PRSS1: variants seen among roughly 807,000 people sequenced by gnomAD.
PRSS1 encodes TCR V beta 4.1.
PRSS1 carries 22 observed loss-of-function variants against 24.2 expected under a neutral mutation model. The ratio of observed to expected loss-of-function variants is 0.91; its 90% CI spans 0.65 to 1.30. The LOEUF (loss-of-function observed/expected upper bound fraction) is 1.30, where lower values mean the gene tolerates loss of function less well. PRSS1 is among the 50% of genes most tolerant of loss of function. The probability of loss-of-function intolerance (pLI) is 0.00; values close to 1 mark genes in which losing one functional copy is unlikely to be tolerated. For missense variants in PRSS1, 366 were observed against 304.2 expected (o/e 1.20, Z -1.51); for synonymous variants, 126 against 116.1 (o/e 1.08, Z -0.55).
At chr7:142,750,412 A>G (rs1798601048) in intron 1 of PRSS1, 143 bp from the exon 2 acceptor site, 1 of 876,584 alleles carries the variant, frequency 1.1e-6, no homozygotes, top group African/African-American at 2.9e-5. Flanking sequence ...AGTGATGATC[A>G]CCAGGGGTGG....
At chr7:142,750,407 T>G in intron 1 of PRSS1, 148 bp from the exon 2 acceptor site, 1 of 991,778 alleles carries the variant, frequency 1.0e-6, no homozygotes, top group East Asian at 2.5e-5. Context: ...CAGGCAGTGA[T>G]GATCACCAGG....
intron 4 of PRSS1, 144 bp from the exon 5 acceptor site, chr7:142,752,724 G>T: frequency 2.0e-6 from 3 of 1,501,316 alleles, no homozygotes; most frequent in Admixed American, 1.7e-5. Context: ...CATCTTGTCT[G>T]CTTAGGAAGA....
chr7:142,751,566 C>T (rs1386408815), intron 2 of PRSS1: 5 of 879,122 alleles, frequency 5.7e-6, no homozygotes, highest in African/African-American at 1.7e-5. Flanking sequence ...TTCCCCACCC[C>T]ACTACCACCA....
chr7:142,751,029 A>C (rs1563259726), intron 2 of PRSS1: 4 of 703,820 alleles, frequency 5.7e-6, no homozygotes, highest in African/African-American at 5.2e-5. Context: ...CCAACTAAGA[A>C]AGACTTTTTA....
intron 1 of PRSS1, among the ~76,000 whole-genome samples, chr7:142,750,334 G>A (rs1180068058): frequency 6.6e-6 from 1 of 152,172 alleles, no homozygotes; most frequent in Non-Finnish European, 1.5e-5. Context: ...GACCCCAGGA[G>A]AGCTCGGATC....
At chr7:142,752,297 T>A in intron 3 of PRSS1, 134 bp from the exon 4 acceptor site, 1 of 992,812 alleles carries the variant, frequency 1.0e-6, no homozygotes, top group Non-Finnish European at 1.5e-6. Flanking sequence ...AGCCAGAGTC[T>A]CTTGCCAGGA....
chr7:142,751,794 G>A lies in PRSS1; in HGVS notation c.221G>A (p.Gly74Glu), dbSNP rs1798757007. The change falls in exon 3 of 5, where the codon GGA (glycine) becomes GAA (glutamate). Residue 74 changes from glycine to glutamate, a missense_variant. By Grantham distance (98) the Gly-to-Glu change is moderately conservative. Coordinates refer to ENST00000311737, the MANE Select transcript of PRSS1 (RefSeq NM_002769.5). ...ATCAGCCGCATCCAGGTGAGACTGG[G>A]AGAGCACAACATCGAAGTCCTGGAG... The part of the protein sequence containing the change: ...CYKSRIQVRL[G>E]EHNIEVLEGN... The A allele has an allele frequency of 6.2e-7, 1 of 1,614,176 alleles. No individual in the cohort carries two copies. The highest frequency in any genetic ancestry group is 1.1e-5 in the South Asian group (1 of 91,082).
Position 142,750,705 on chromosome 7 carries a change from G to A in PRSS1, c.191G>A (p.Cys64Tyr). The part of the protein sequence containing the change: ...NEQWVVSAGH[C>Y]YKSRIQVRLG... ...CAGTGGGTGGTATCAGCAGGCCACT[G>A]CTACAAGTCGTAAGTGTGGGGCCCC... Residue 64 changes from cysteine to tyrosine, a missense_variant, in exon 2 of 5, where the codon TGC (cysteine) becomes TAC (tyrosine). By Grantham distance (194) the Cys-to-Tyr change is radical. Coordinates refer to ENST00000311737, the MANE Select transcript of PRSS1 (RefSeq NM_002769.5). 3 of 1,613,930 alleles carry A rather than the reference G, an allele frequency of 1.9e-6. No homozygotes were observed. Among genetic ancestry groups the A allele is most frequent in the Non-Finnish European group, 2.5e-6 (3 of 1,179,838 alleles).
chr7:142,750,194 C>A (rs1402680547), intron 1 of PRSS1, among the ~76,000 whole-genome samples: 1 of 152,014 alleles, frequency 6.6e-6, no homozygotes, highest in South Asian at 2.1e-4. Flanking sequence ...CAATCCAGGG[C>A]CCAAATAGCC....
chr7:142,752,897 T>C lies in PRSS1; in HGVS notation c.621T>C (p.Asn207=), dbSNP rs146995038. 3.5e-5 allele frequency: 56 copies of C among 1,614,174 alleles called. No homozygotes were observed. In the African/African-American group the frequency reaches 6.9e-4, roughly 20 times the overall value. The part of the protein sequence containing the change: ...QGDSGGPVVC[N]GQLQGVVSWG... ...ATTCTGGTGGCCCTGTGGTCTGCAA[T>C]GGACAGCTCCAAGGAGTTGTCTCCT... The change falls in exon 5 of 5, where the codon AAT becomes AAC. Residue 207 remains asparagine (N), a synonymous_variant. Coordinates refer to ENST00000311737, the MANE Select transcript of PRSS1 (RefSeq NM_002769.5).
At chr7:142,750,434 C>G (rs1798602999) in intron 1 of PRSS1, 121 bp from the exon 2 acceptor site, 1 of 1,469,576 alleles carries the variant, frequency 6.8e-7, no homozygotes, top group Admixed American at 1.7e-5. Flanking sequence ...AGAGCTCCCT[C>G]CCTTGCCTAG....
chr7:142,752,071 A>G, intron 3 of PRSS1, 44 bp downstream of exon 3: 1 of 1,613,358 alleles, frequency 6.2e-7, no homozygotes, highest in African/African-American at 1.3e-5. Flanking sequence ...CATCCTCACA[A>G]TTTCCAGAAC....
chr7:142,752,338 T>C lies in PRSS1; in HGVS notation c.455-93T>C, dbSNP rs569672741. ...GTTCTGGAGTCCTCTCCAGGGGCTGTGTTCCTCTTCAGTTTTCCATCCAAG... is the reference window on the plus strand; with the variant it reads ...GTTCTGGAGTCCTCTCCAGGGGCTGCGTTCCTCTTCAGTTTTCCATCCAAG... On this transcript the variant is annotated intron_variant, in intron 3 of 4. Coordinates refer to ENST00000311737, the MANE Select transcript of PRSS1 (RefSeq NM_002769.5). 8.3e-4 allele frequency: 1,261 copies of C among 1,528,102 alleles called. 4 individuals carry two copies. The highest frequency in any genetic ancestry group is 2.5e-3 in the South Asian group (225 of 89,222). The allele number at this position is 1,528,102 out of a possible 1,614,324, so 94.7% of individuals were successfully genotyped here. A position where few individuals can be genotyped will look rare whatever the true frequency, so the allele number is the denominator to read the frequency against.
rs370530272 is a variant in PRSS1, at chr7:142,749,565, G to A, written c.40+41G>A. 5.8e-4 allele frequency: 920 copies of A among 1,590,446 alleles called. 7 individuals are homozygous for A. In the South Asian group the frequency reaches 8.5e-3, roughly 15 times the overall value. On this transcript the variant is annotated intron_variant, in intron 1 of 4. Coordinates refer to ENST00000311737, the MANE Select transcript of PRSS1 (RefSeq NM_002769.5). Reference sequence around the variant, plus strand: ...TGCCTCAGGCCCCAACCACCCCCCCGTTCCTGGCCGACAAATGCCCTTCCA... The same window carrying A: ...TGCCTCAGGCCCCAACCACCCCCCCATTCCTGGCCGACAAATGCCCTTCCA...
chr7:142,751,063 T>A, intron 2 of PRSS1: 1 of 703,026 alleles, frequency 1.4e-6, no homozygotes, highest in Non-Finnish European at 2.6e-6. Flanking sequence ...CTTTGTCCTA[T>A]CCCAGGGCAA....
chr7:142,750,996 T>C, intron 2 of PRSS1: 1 of 567,360 alleles, frequency 1.8e-6, no homozygotes, highest in Non-Finnish European at 3.2e-6. Flanking sequence ...AAGTATCTTT[T>C]GCTGGTTAGC....
rs1432168030 is a variant in PRSS1 at position 142,750,602 on chromosome 7, T to A, written c.88T>A (p.Cys30Ser). ...TGACAAGATCGTTGGGGGCTACAAC[T>A]GTGAGGAGAATTCTGTCCCCTACCA... is the stretch of plus-strand genomic sequence containing the variant. ...DDDKIVGGYN[C>S]EENSVPYQVS... is the part of the protein sequence containing the mutation. The change falls in exon 2 of 5, where the codon TGT (cysteine) becomes AGT (serine). Residue 30 changes from cysteine (C) to serine (S), a missense_variant. Cys to Ser is a moderately radical substitution (Grantham distance 112). Transcript: ENST00000311737. The A allele has an allele frequency of 2.5e-6, 4 of 1,614,054 alleles. No individual in the cohort carries two copies. Among genetic ancestry groups the A allele is most frequent in the Middle Eastern group, 1.7e-4 (1 of 6,056 alleles).
rs1798877294 is a variant in PRSS1, at chr7:142,752,922, T to C, written c.646T>C (p.Trp216Arg). 3 of 1,613,988 alleles carry C rather than the reference T, an allele frequency of 1.9e-6. No homozygotes were observed. The African/African-American group carries it at 4.0e-5, about 22-fold the overall frequency. ...CNGQLQGVVS[W>R]GDGCAQKNKP... ...TGGACAGCTCCAAGGAGTTGTCTCC[T>C]GGGGTGATGGCTGTGCCCAGAAGAA... The change falls in exon 5 of 5, where the codon TGG becomes CGG. Residue 216 changes from tryptophan (W) to arginine (R), a missense_variant. Coordinates refer to ENST00000311737, the MANE Select transcript of PRSS1 (RefSeq NM_002769.5).
intron 4 of PRSS1, 97 bp downstream of exon 4, chr7:142,752,664 G>T: frequency 1.9e-6 from 3 of 1,590,664 alleles, no homozygotes; most frequent in Non-Finnish European, 2.6e-6. Flanking sequence ...GGGCTGAGGA[G>T]GCTCCCTGCA....
Sources: allele counts gnomAD v4.1 joint callset (sites outside exome capture counted in the v4.1 genomes callset), GRCh38; gene constraint gnomAD v4.1.1; transcripts MANE v1.5; gene names NCBI Gene and HGNC (gene_info 2026-07-23, HGNC 2026-07-21).